The following RP9 variants were observed in gnomAD, a reference collection of about 807,000 sequenced individuals.
The protein encoded by RP9 is RP9 pre-mRNA splicing factor, also known as retinitis pigmentosa 9 protein.
In RP9, 23 loss-of-function variants were observed where a neutral mutation model predicts 32.6. The observed-to-expected ratio is 0.71, with a 90% CI of 0.51 to 1.00. The LOEUF is 1.00. Ranked by LOEUF, RP9 falls within the 50% of genes least tolerant of loss-of-function variation. The pLI is 0.00. For missense variants in RP9, 245 were observed against 285.3 expected, an observed-to-expected ratio of 0.86 and a Z score of 1.02; for synonymous variants, 94 against 103.6, an observed-to-expected ratio of 0.91 and a Z score of 0.56.
chr7:33,107,566 A>T (rs1345349737), intron 1 of RP9, among the ~76,000 whole-genome samples: 16 of 152,168 alleles, frequency 1.1e-4, no homozygotes, highest in Admixed American at 1.0e-3. Flanking sequence ...GCCCTGTAAC[A>T]TGGATGCCCA....
Position 33,104,830 on chromosome 7 carries a change from C to G in RP9, c.153-4269G>C, listed in dbSNP as rs116684080. Among the ~76,000 whole-genome samples, 802 of 152,292 alleles carry G rather than the reference C, an allele frequency of 5.3e-3. 7 individuals are homozygous for G. The highest frequency in any genetic ancestry group is 0.018 in the African/African-American group (764 of 41,558). The stretch of plus-strand genomic sequence containing the variant: ...TCTTGGCTTCAAATGATTCTCCTGC[C>G]TTGGCCTCCCAAAGTGTTGGGATTA... On this transcript the variant is annotated intron_variant, in intron 1 of 5. Coordinates refer to ENST00000297157, the MANE Select transcript of RP9 (RefSeq NM_203288.2).
chr7:33,099,050 G>T lies in RP9; in HGVS notation c.313+257C>A, dbSNP rs530386650. 1.0e-3 allele frequency: 563 copies of T among 559,696 alleles called. 2 individuals are homozygous for T. Among genetic ancestry groups the T allele is most frequent in the Non-Finnish European group, 9.0e-4 (283 of 312,968 alleles). 34.7% of individuals were successfully genotyped at this position (559,696 alleles called of 1,614,324 possible). On this transcript the variant is annotated intron_variant, in intron 3 of 5. Coordinates refer to ENST00000297157, the MANE Select transcript of RP9 (RefSeq NM_203288.2). ...GGTTTTCTCATTCATTCTGTAGGTT[G>T]GAAATCTGAGATCAGGGTCCCAGCA...
intron 1 of RP9, among the ~76,000 whole-genome samples, chr7:33,102,273 C>T (rs1389056453): frequency 6.6e-6 from 1 of 152,112 alleles, no homozygotes; most frequent in East Asian, 1.9e-4. Context: ...GATTAGAAAA[C>T]TGAAGTATGT....
chr7:33,098,092 A>C (rs946670738), intron 3 of RP9, among the ~76,000 whole-genome samples: 3 of 152,174 alleles, frequency 2.0e-5, no homozygotes, highest in African/African-American at 7.2e-5. Context: ...GTTCTCTTAG[A>C]ATATTAATGG....
intron 5 of RP9, among the ~76,000 whole-genome samples, chr7:33,095,838 C>CT (rs965243027): frequency 2.6e-4 from 39 of 147,740 alleles, no homozygotes; most frequent in African/African-American, 3.2e-4. Flanking sequence ...TAATTTTTTT[C>CT]TTTTTTTTTT....
At position 33,109,307 on chromosome 7, in the gene RP9, C is replaced by T. The variant is rs998876582; in HGVS notation, c.66G>A (p.Pro22=). ...CCCGACGTCGCTGCAGCTCCTGCTC[C>T]GGCGGCTCACGCGGCCGCCGCGCGC... The part of the protein sequence containing the change: ...AAGARRPREP[P]EQELQRRREQ... Residue 22 remains proline (P), a synonymous_variant, in exon 1 of 6, where the codon CCG becomes CCA. Coordinates refer to ENST00000297157, the MANE Select transcript of RP9 (RefSeq NM_203288.2). This position sits in a 1 kb window ranked among gnomAD's most constrained non-coding sequence, Gnocchi z 4.9. 4 of 1,468,290 alleles carry T rather than the reference C, an allele frequency of 2.7e-6. No homozygotes were observed. In the African/African-American group the frequency reaches 5.9e-5, roughly 22 times the overall value. 91.0% of individuals were successfully genotyped at this position (1,468,290 alleles called of 1,614,324 possible). A position where few individuals can be genotyped will look rare whatever the true frequency, so the allele number is the denominator to read the frequency against.
intron 1 of RP9, among the ~76,000 whole-genome samples, chr7:33,101,927 TAGA>T (rs1216468690): frequency 6.6e-6 from 1 of 152,132 alleles, no homozygotes. Flanking sequence ...GCATAGAGAC[TAGA>T]AGGAGCTTGA....
rs775870239 is a variant in RP9 at position 33,109,339 on chromosome 7, C to A, written c.34G>T (p.Ala12Ser). The A allele has an allele frequency of 1.4e-6, 2 of 1,447,652 alleles. No homozygotes were observed. Among genetic ancestry groups the A allele is most frequent in the Non-Finnish European group, 1.8e-6 (2 of 1,104,296 alleles). 89.7% of individuals were successfully genotyped at this position (1,447,652 alleles called of 1,614,324 possible). Reference protein sequence around the residue: ...SSRPGREDVGAAGARRPREPP... With the variant: ...SSRPGREDVGSAGARRPREPP... ...TCACGCGGCCGCCGCGCGCCCGCAG[C>A]CCCCACGTCCTCGCGCCCAGGCCGG... Residue 12 changes from alanine (A) to serine (S), a missense_variant, in exon 1 of 6, where the codon GCT (alanine) becomes TCT (serine). Physicochemically the swap from Ala to Ser is moderately conservative, Grantham distance 99. Coordinates refer to ENST00000297157, the MANE Select transcript of RP9 (RefSeq NM_203288.2). This position sits in a 1 kb window ranked among gnomAD's most constrained non-coding sequence, Gnocchi z 4.9.
chr7:33,105,906 T>G (rs985961858), intron 1 of RP9, among the ~76,000 whole-genome samples: 1 of 152,218 alleles, frequency 6.6e-6, no homozygotes, highest in Non-Finnish European at 1.5e-5. Context: ...TTTGTTATGC[T>G]TTTTTCTTGT....
chr7:33,099,504 C>A, intron 2 of RP9, 68 bp from the exon 3 acceptor site: 1 of 1,592,984 alleles, frequency 6.3e-7, no homozygotes, highest in South Asian at 1.1e-5. Flanking sequence ...CCCCTTGGAG[C>A]CACCCTTGCC....
chr7:33,109,207 A>T lies in RP9; in HGVS notation c.152+14T>A, dbSNP rs1260002843. 3.4e-6 allele frequency: 5 copies of T among 1,490,884 alleles called. No homozygotes were observed. Among genetic ancestry groups the T allele is most frequent in the Non-Finnish European group, 3.6e-6 (4 of 1,122,272 alleles). The allele number at this position is 1,490,884 out of a possible 1,614,324, so 92.4% of individuals were successfully genotyped here. ...AGAAGACTGGCCGCGCGCGGACGGCAGCTCGGGACTCACAAGGACTCCAGG... is the reference window on the plus strand; with the variant it reads ...AGAAGACTGGCCGCGCGCGGACGGCTGCTCGGGACTCACAAGGACTCCAGG... On this transcript the variant is annotated intron_variant, in intron 1 of 5. Transcript: ENST00000297157. The surrounding 1 kb of genome is among the most constrained non-coding windows in gnomAD (Gnocchi z 4.9).
chr7:33,100,369 T>C (rs944279317), intron 2 of RP9, 162 bp downstream of exon 2: 3 of 712,178 alleles, frequency 4.2e-6, no homozygotes, highest in Non-Finnish European at 7.5e-6. Flanking sequence ...AGGCAGAGGC[T>C]TGTGACAAAA....
At chr7:33,095,529 T>C (rs1788319197) in intron 5 of RP9, 97 bp from the exon 6 acceptor site, 2 of 1,548,808 alleles carry the variant, frequency 1.3e-6, no homozygotes, top group African/African-American at 2.7e-5. Context: ...TATAGGATGA[T>C]GAATAACCAT....
chr7:33,104,320 C>T (rs1199443643), intron 1 of RP9, among the ~76,000 whole-genome samples: 2 of 151,992 alleles, frequency 1.3e-5, no homozygotes, highest in Non-Finnish European at 2.9e-5. Context: ...GGAGGGCAGG[C>T]GGAGGGTGAG....
At chr7:33,100,447 A>T in intron 2 of RP9, 84 bp downstream of exon 2, 1 of 1,137,640 alleles carries the variant, frequency 8.8e-7, no homozygotes, top group Non-Finnish European at 1.3e-6. Context: ...GAGATTTAAC[A>T]TCATGCAATT....
chr7:33,109,204 G>T lies in RP9; in HGVS notation c.152+17C>A. 6.7e-7 allele frequency: 1 copy of T among 1,490,420 alleles called. No homozygotes were observed. The highest frequency in any genetic ancestry group is 8.9e-7 in the Non-Finnish European group (1 of 1,122,100). 92.3% of individuals were successfully genotyped at this position (1,490,420 alleles called of 1,614,324 possible). On this transcript the variant is annotated intron_variant, in intron 1 of 5. Transcript: ENST00000297157. This position sits in a 1 kb window ranked among gnomAD's most constrained non-coding sequence, Gnocchi z 4.9. Reference sequence around the variant, plus strand: ...TTCAGAAGACTGGCCGCGCGCGGACGGCAGCTCGGGACTCACAAGGACTCC... The same window carrying T: ...TTCAGAAGACTGGCCGCGCGCGGACTGCAGCTCGGGACTCACAAGGACTCC...
rs1472923856 is a variant in RP9 at position 33,109,311 on chromosome 7, G to A, written c.62C>T (p.Pro21Leu). 1 of 1,467,114 alleles carries A rather than the reference G, an allele frequency of 6.8e-7. No homozygotes were observed. Among genetic ancestry groups the A allele is most frequent in the South Asian group, 1.3e-5 (1 of 78,292 alleles). The allele number at this position is 1,467,114 out of a possible 1,614,324, so 90.9% of individuals were successfully genotyped here. Residue 21 changes from proline to leucine, a missense_variant, in exon 1 of 6, where the codon CCG (proline) becomes CTG (leucine). Coordinates refer to ENST00000297157, the MANE Select transcript of RP9 (RefSeq NM_203288.2). The surrounding 1 kb of genome is among the most constrained non-coding windows in gnomAD (Gnocchi z 4.9). Reference protein sequence around the residue: ...GAAGARRPREPPEQELQRRRE... With the variant: ...GAAGARRPRELPEQELQRRRE... ...ACGTCGCTGCAGCTCCTGCTCCGGC[G>A]GCTCACGCGGCCGCCGCGCGCCCGC...
rs1471750411 is a variant in RP9, at chr7:33,097,120, T to C, written c.405+151A>G. 3 of 630,080 alleles carry C rather than the reference T, an allele frequency of 4.8e-6. No individual in the cohort carries two copies. The Admixed American group carries it at 8.5e-5, about 18-fold the overall frequency. The allele number at this position is 630,080 out of a possible 1,614,324, so 39.0% of individuals were successfully genotyped here. On this transcript the variant is annotated intron_variant, in intron 4 of 5. Transcript: ENST00000297157. ...GCTAATTTGTCATACAAATGTAATT[T>C]AATAAGCATGTAGTTAACAGCACAC...
intron 1 of RP9, among the ~76,000 whole-genome samples, chr7:33,103,417 T>C (rs1053340792): frequency 2.0e-5 from 3 of 152,214 alleles, no homozygotes; most frequent in African/African-American, 4.8e-5. Flanking sequence ...CCCTGCAGCA[T>C]GAGCGCCCTA....
Sources: allele counts gnomAD v4.1 joint callset (sites outside exome capture counted in the v4.1 genomes callset), GRCh38; gene constraint gnomAD v4.1.1; non-coding constraint Gnocchi (gnomAD v3.1); transcripts MANE v1.5; gene names NCBI Gene and HGNC (gene_info 2026-07-23, HGNC 2026-07-21).